Variants in MEMO1 observed in about 807,000 individuals in gnomAD.
MEMO1 encodes the protein mediator of cell motility 1.
In MEMO1, 6 loss-of-function variants were observed where a neutral mutation model predicts 45.2. That is an observed-to-expected ratio of 0.13 (90% CI 0.07 to 0.26). The LOEUF is 0.26. Among genes scored for constraint, MEMO1 ranks in the 10% least tolerant of loss-of-function variants. MEMO1 has a pLI of 1.00. For missense variants in MEMO1, 184 were observed against 370.5 expected, an observed-to-expected ratio of 0.50 and a Z score of 4.13; for synonymous variants, 78 against 124.3, an observed-to-expected ratio of 0.63 and a Z score of 2.48.
chr2:31,884,561 T>G (rs565556103), intron 7 of MEMO1, among the ~76,000 whole-genome samples: 2 of 152,288 alleles, frequency 1.3e-5, no homozygotes, highest in Non-Finnish European at 2.9e-5. Flanking sequence ...ACTAAAAAAA[T>G]TATGTAAATG....
intron 2 of MEMO1, among the ~76,000 whole-genome samples, chr2:32,004,095 C>T (rs932422835): frequency 2.0e-5 from 3 of 152,118 alleles, no homozygotes; most frequent in Admixed American, 6.6e-5. Context: ...GCAGGGGGAT[C>T]GCTTGAGCCC....
At chr2:31,874,776 A>C (rs1210603720) in intron 8 of MEMO1, among the ~76,000 whole-genome samples, 1 of 151,924 alleles carries the variant, frequency 6.6e-6, no homozygotes, top group Admixed American at 6.6e-5. Flanking sequence ...ACATATGAAA[A>C]CTAAGATATT....
rs575308367 is a variant in MEMO1 at position 31,988,407 on chromosome 2, C to T, written c.61+21780G>A. 2.6e-5 allele frequency among the ~76,000 whole-genome samples: 4 copies of T among 152,100 alleles called. No homozygotes were observed. In the South Asian group the frequency reaches 6.2e-4, roughly 24 times the overall value. ...ACTGAAAATACAGAAATTAGCTGGGCGTGGTGGCACACGCCTGTAATCCCA... is the reference window on the plus strand; with the variant it reads ...ACTGAAAATACAGAAATTAGCTGGGTGTGGTGGCACACGCCTGTAATCCCA... On this transcript the variant is annotated intron_variant, in intron 2 of 9. Coordinates refer to ENST00000404530, the MANE Select transcript of MEMO1 (RefSeq NM_001301833.4).
intron 7 of MEMO1, among the ~76,000 whole-genome samples, chr2:31,888,394 C>A (rs1385171385): frequency 6.6e-6 from 1 of 152,008 alleles, no homozygotes; most frequent in Admixed American, 6.6e-5. Flanking sequence ...AAGCTGCCAA[C>A]AATCTAAATT....
At chr2:31,924,744 G>T (rs1183706023) in intron 4 of MEMO1, among the ~76,000 whole-genome samples, 1 of 151,996 alleles carries the variant, frequency 6.6e-6, no homozygotes, top group Non-Finnish European at 1.5e-5. Flanking sequence ...ATTCCTTTTT[G>T]CTCTCTTTTT....
At chr2:31,985,712 T>G (rs1388403550) in intron 2 of MEMO1, among the ~76,000 whole-genome samples, 1 of 152,268 alleles carries the variant, frequency 6.6e-6, no homozygotes, top group Non-Finnish European at 1.5e-5. Flanking sequence ...ACTCATTTAT[T>G]AATAGAAAAT....
At chr2:31,896,533 T>A (rs1341216621) in intron 6 of MEMO1, among the ~76,000 whole-genome samples, 1 of 152,150 alleles carries the variant, frequency 6.6e-6, no homozygotes, top group Non-Finnish European at 1.5e-5. Context: ...GTGGGCCAGA[T>A]GGGGTTCACA....
At chr2:32,003,345 T>A (rs1247681018) in intron 2 of MEMO1, among the ~76,000 whole-genome samples, 4 of 152,196 alleles carry the variant, frequency 2.6e-5, no homozygotes, top group Non-Finnish European at 4.4e-5. Context: ...ACTTTGGATA[T>A]TTCCTCAATT....
intron 6 of MEMO1, among the ~76,000 whole-genome samples, chr2:31,899,090 A>C (rs1678353598): frequency 1.3e-5 from 2 of 152,224 alleles, no homozygotes; most frequent in Non-Finnish European, 2.9e-5. Flanking sequence ...GAATTAATAT[A>C]GTGAAAACAG....
At chr2:31,896,205 A>G (rs535451178) in intron 6 of MEMO1, among the ~76,000 whole-genome samples, 166 of 152,304 alleles carry the variant, frequency 1.1e-3, no homozygotes, top group Non-Finnish European at 2.1e-3. Context: ...AGTTTTTAAC[A>G]AATAGTACTA....
chr2:31,898,144 G>A (rs369986946), intron 6 of MEMO1, among the ~76,000 whole-genome samples: 1 of 151,574 alleles, frequency 6.6e-6, no homozygotes, highest in East Asian at 1.9e-4. Flanking sequence ...TATCTGTTTC[G>A]TTAATCTTTT....
intron 6 of MEMO1, among the ~76,000 whole-genome samples, chr2:31,903,410 A>G (rs1679159642): frequency 6.8e-6 from 1 of 146,666 alleles, no homozygotes. Flanking sequence ...ATACTCACAG[A>G]AAAAAACAGG....
intron 3 of MEMO1, among the ~76,000 whole-genome samples, chr2:31,942,582 T>C (rs1338800188): frequency 6.6e-6 from 1 of 152,000 alleles, no homozygotes; most frequent in Non-Finnish European, 1.5e-5. Flanking sequence ...TCTGGCTCAC[T>C]ACAACCTCCA....
intron 2 of MEMO1, among the ~76,000 whole-genome samples, chr2:32,009,732 A>T (rs1340287115): frequency 6.6e-6 from 1 of 152,076 alleles, no homozygotes; most frequent in Non-Finnish European, 1.5e-5. Flanking sequence ...CTGGCTCGGC[A>T]AGAGGGCGGA....
At chr2:32,003,531 T>C (rs1673669327) in intron 2 of MEMO1, among the ~76,000 whole-genome samples, 1 of 152,204 alleles carries the variant, frequency 6.6e-6, no homozygotes. Flanking sequence ...TCAATATATG[T>C]TTACTTCAAC....
intron 2 of MEMO1, among the ~76,000 whole-genome samples, chr2:32,007,632 G>A (rs1674267524): frequency 6.6e-6 from 1 of 151,964 alleles, no homozygotes; most frequent in Non-Finnish European, 1.5e-5. Flanking sequence ...TTAATTCTAC[G>A]GACGCAACTT....
chr2:31,895,810 G>A (rs1350956759), intron 6 of MEMO1, among the ~76,000 whole-genome samples: 1 of 143,142 alleles, frequency 7.0e-6, no homozygotes, highest in Non-Finnish European at 1.5e-5. Flanking sequence ...TAATCAAACA[G>A]CTGAAAACAA....
At position 31,869,755 on chromosome 2, in the gene MEMO1, A is replaced by G. The variant is rs1673391893; in HGVS notation, c.762+93T>C. ...TAAAAAGAAACTTGACCATAGGTAC[A>G]TAAAACCAATGATGCCATTGTATCA... On this transcript the variant is annotated intron_variant, in intron 9 of 9. Transcript: ENST00000404530. 8.7e-6 allele frequency: 12 copies of G among 1,374,648 alleles called. No homozygotes were observed. In the South Asian group the frequency reaches 1.3e-4, roughly 15 times the overall value. 85.2% of individuals were successfully genotyped at this position (1,374,648 alleles called of 1,614,324 possible).
intron 6 of MEMO1, among the ~76,000 whole-genome samples, chr2:31,902,339 G>A (rs1159871938): frequency 4.0e-5 from 6 of 151,446 alleles, no homozygotes; most frequent in Non-Finnish European, 7.4e-5. Context: ...TGGAGGTTGC[G>A]CTGAGCCGAG....
Sources: allele counts gnomAD v4.1 joint callset (sites outside exome capture counted in the v4.1 genomes callset), GRCh38; gene constraint gnomAD v4.1.1; transcripts MANE v1.5; gene names NCBI Gene and HGNC (gene_info 2026-07-23, HGNC 2026-07-21).